NSUN6: variants seen among roughly 807,000 people sequenced by gnomAD.
NSUN6 encodes the protein tRNA (cytosine(72)-C(5))-methyltransferase NSUN6.
In NSUN6, 64 loss-of-function variants were observed where a neutral mutation model predicts 58.0. The ratio of observed to expected loss-of-function variants is 1.10; its 90% CI spans 0.90 to 1.36. The LOEUF (loss-of-function observed/expected upper bound fraction) is 1.36. NSUN6 is among the 40% of genes most tolerant of loss of function. The pLI is 0.00. For synonymous variants in NSUN6, 231 were observed against 193.9 expected, an observed-to-expected ratio of 1.19 and a Z score of -1.59; for missense variants, 701 against 550.1, an observed-to-expected ratio of 1.27 and a Z score of -2.74.
In NSUN6 at chr10:18,651,239, C is replaced by A; in HGVS notation, c.-36G>T. The A allele has an allele frequency of 6.6e-7, 1 of 1,512,372 alleles. No individual in the cohort carries two copies. Among genetic ancestry groups the A allele is most frequent in the Admixed American group, 2.5e-5 (1 of 39,458 alleles). 93.7% of individuals were successfully genotyped at this position (1,512,372 alleles called of 1,614,324 possible). ...GTTTAGTTCTCCACCAAGAGAAATG[C>A]TGGAAAACGGTGTTTTGTTTTTTTT... On this transcript the variant is annotated 5_prime_UTR_variant, in exon 1 of 11. Coordinates refer to ENST00000377304, the MANE Select transcript of NSUN6 (RefSeq NM_182543.5).
In NSUN6 at chr10:18,546,697, G is replaced by T. The variant is rs555207445; in HGVS notation, c.1198-552C>A. Among the ~76,000 whole-genome samples, 22 of 152,184 alleles carry T rather than the reference G, an allele frequency of 1.4e-4. No homozygotes were observed. In the South Asian group the frequency reaches 2.1e-3, roughly 14 times the overall value. ...GTTCAAGACCAGCCTGGCCAACAAG[G>T]TGACACCCTGTCTCTACCAAAAATA... is the stretch of plus-strand genomic sequence containing the variant. On this transcript the variant is annotated intron_variant, in intron 10 of 10. Coordinates refer to ENST00000377304, the MANE Select transcript of NSUN6 (RefSeq NM_182543.5).
upstream of NSUN6, chr10:18,655,037 AT>A (rs142849740): frequency 6.0e-3 from 5,923 of 979,712 alleles, 260 homozygotes; most frequent in African/African-American, 0.091. Context: ...AGAACTTCCC[AT>A]TTTTCTTGCC....
upstream of NSUN6, chr10:18,658,741 G>A (rs1353434365): frequency 7.9e-6 from 5 of 633,408 alleles, no homozygotes; most frequent in Admixed American, 6.3e-5. Context: ...CGGTGGCTGA[G>A]CCTGCAATCC....
At chr10:18,551,245 TGTGTG>T (rs1213906071) in intron 9 of NSUN6, among the ~76,000 whole-genome samples, 1 of 5,818 alleles carries the variant, frequency 1.7e-4, no homozygotes, top group African/African-American at 8.3e-4. Flanking sequence ...TCCTCTCAGT[TGTGTG>T]TGTGTGTGTG....
intron 8 of NSUN6, among the ~76,000 whole-genome samples, chr10:18,574,353 T>C (rs757546839): frequency 2.6e-5 from 4 of 152,128 alleles, no homozygotes; most frequent in African/African-American, 4.8e-5. Context: ...GAAGCCATTA[T>C]GTTAGAAAAG....
chr10:18,636,358 TAA>T (rs533141020), intron 3 of NSUN6, among the ~76,000 whole-genome samples: 17 of 129,086 alleles, frequency 1.3e-4, no homozygotes, highest in Admixed American at 3.2e-4. Context: ...TTGACAATGT[TAA>T]AAAAAAAAAA....
chr10:18,549,142 C>T (rs2054458625), intron 9 of NSUN6, among the ~76,000 whole-genome samples: 1 of 152,220 alleles, frequency 6.6e-6, no homozygotes, highest in Non-Finnish European at 1.5e-5. Flanking sequence ...TCCATGATCA[C>T]TTACAGTCAA....
chr10:18,550,597 G>A (rs1256282719), intron 9 of NSUN6, among the ~76,000 whole-genome samples: 1 of 152,032 alleles, frequency 6.6e-6, no homozygotes, highest in Non-Finnish European at 1.5e-5. Context: ...TGAAAGTGCT[G>A]GAGACAAGTT....
At chr10:18,637,199 G>T (rs2059246277) in intron 3 of NSUN6, among the ~76,000 whole-genome samples, 1 of 152,044 alleles carries the variant, frequency 6.6e-6, no homozygotes, top group Admixed American at 6.5e-5. Flanking sequence ...CTGGCCTCAG[G>T]TGATCCACCC....
intron 8 of NSUN6, among the ~76,000 whole-genome samples, chr10:18,566,752 G>T (rs573961964): frequency 1.5e-5 from 2 of 136,668 alleles, no homozygotes; most frequent in Non-Finnish European, 3.2e-5. Context: ...CATTCCATTC[G>T]ATGCTCCATT....
intron 2 of NSUN6, among the ~76,000 whole-genome samples, chr10:18,648,280 C>T (rs192953790): frequency 1.3e-5 from 2 of 152,052 alleles, no homozygotes; most frequent in African/African-American, 4.8e-5. Context: ...ATTTTAGTCA[C>T]CAAAAATGAA....
At chr10:18,628,580 A>T (rs891608208) in intron 3 of NSUN6, among the ~76,000 whole-genome samples, 1 of 152,248 alleles carries the variant, frequency 6.6e-6, no homozygotes, top group African/African-American at 2.4e-5. Flanking sequence ...GGAGCTGAAA[A>T]CCAAGGCTCG....
chr10:18,658,623 T>G (rs2059804134), upstream of NSUN6: 1 of 963,058 alleles, frequency 1.0e-6, no homozygotes, highest in Non-Finnish European at 1.2e-6. Context: ...GTGTTATTAT[T>G]ATGTGTTATT....
At chr10:18,630,957 G>T (rs1473749310) in intron 3 of NSUN6, among the ~76,000 whole-genome samples, 1 of 151,676 alleles carries the variant, frequency 6.6e-6, no homozygotes, top group Non-Finnish European at 1.5e-5. Flanking sequence ...CCAAAAAAGA[G>T]AATTTTAGAC....
chr10:18,651,903 G>A, upstream of NSUN6: 2 of 985,358 alleles, frequency 2.0e-6, no homozygotes, highest in Non-Finnish European at 2.4e-6. Flanking sequence ...AGATGTTGCT[G>A]GACTGAAAAA....
intron 6 of NSUN6, among the ~76,000 whole-genome samples, chr10:18,600,964 A>G (rs2057806066): frequency 1.2e-5 from 1 of 82,524 alleles, no homozygotes; most frequent in Non-Finnish European, 2.6e-5. Context: ...ATATATACAT[A>G]TATATATATA....
chr10:18,616,487 A>G (rs1054694432), intron 3 of NSUN6, among the ~76,000 whole-genome samples, 194 bp from the exon 4 acceptor site: 1 of 152,196 alleles, frequency 6.6e-6, no homozygotes, highest in Non-Finnish European at 1.5e-5. Flanking sequence ...ACTTGAGAGG[A>G]AGAAAAAAAT....
upstream of NSUN6, chr10:18,652,336 CA>C: frequency 3.1e-6 from 3 of 983,030 alleles, no homozygotes; most frequent in Non-Finnish European, 3.6e-6. Context: ...ATAATTCTAT[CA>C]CCTTGACATA....
intron 8 of NSUN6, among the ~76,000 whole-genome samples, chr10:18,561,926 T>A (rs1011354761): frequency 5.7e-5 from 8 of 139,294 alleles, no homozygotes; most frequent in Admixed American, 4.3e-4. Flanking sequence ...GAGAATGGAA[T>A]GAATGGAATG....
Sources: allele counts gnomAD v4.1 joint callset (sites outside exome capture counted in the v4.1 genomes callset), GRCh38; gene constraint gnomAD v4.1.1; transcripts MANE v1.5; gene names NCBI Gene and HGNC (gene_info 2026-07-23, HGNC 2026-07-21).